ZGRF1: variants seen among roughly 807,000 people sequenced by gnomAD.
The protein encoded by ZGRF1 is 5'-3' DNA helicase ZGRF1.
In ZGRF1, 196 loss-of-function variants were observed where a neutral mutation model predicts 203.5. That is an observed-to-expected ratio of 0.96 (90% confidence interval 0.86 to 1.08). The LOEUF is 1.08. Among genes scored for constraint, ZGRF1 ranks in the 50% least tolerant of loss-of-function variants. The probability of loss-of-function intolerance (pLI) is 0.00; values close to 1 mark genes in which losing one functional copy is unlikely to be tolerated. For synonymous variants in ZGRF1, 809 were observed against 841.3 expected (o/e 0.96, Z 0.66); for missense variants, 2,326 against 2,416.3 (o/e 0.96, Z 0.78).
chr4:112,563,115 G>A lies in ZGRF1; in HGVS notation c.4582+16C>T. On this transcript the variant is annotated intron_variant, in intron 17 of 27. Transcript: ENST00000505019. ...TCTTTTTAAATATAAACTAAAATGA[G>A]CATAGTAATACTCACTGTTAGTGGG... is the stretch of plus-strand genomic sequence containing the variant. 6.6e-7 allele frequency: 1 copy of A among 1,523,540 alleles called. No individual in the cohort carries two copies. The highest frequency in any genetic ancestry group is 8.8e-7 in the Non-Finnish European group (1 of 1,132,132). 94.4% of individuals were successfully genotyped at this position (1,523,540 alleles called of 1,614,324 possible).
At chr4:112,565,336 C>T (rs530736924) in intron 16 of ZGRF1, 6 of 1,339,712 alleles carry the variant, frequency 4.5e-6, no homozygotes, top group African/African-American at 2.9e-5. Context: ...CCATGCCAAA[C>T]GTGTAACAAT....
chr4:112,630,752 G>A lies in ZGRF1; in HGVS notation c.102+1178C>T, dbSNP rs567269294. On this transcript the variant is annotated intron_variant, in intron 3 of 27. Coordinates refer to ENST00000505019, the MANE Select transcript of ZGRF1 (RefSeq NM_018392.5). The stretch of plus-strand genomic sequence containing the variant: ...TAAAAATACAAAAAATTAGCCGGGC[G>A]TGGTGGTGGCACCTGTAGTCCCAGC... Among the ~76,000 whole-genome samples the A allele has an allele frequency of 1.0e-3, 154 of 152,032 alleles. 2 individuals are homozygous for A. The highest frequency in any genetic ancestry group is 3.1e-3 in the South Asian group (15 of 4,810).
At chr4:112,591,457 A>C (rs1038403962) in intron 10 of ZGRF1, among the ~76,000 whole-genome samples, 5 of 152,050 alleles carry the variant, frequency 3.3e-5, no homozygotes, top group Non-Finnish European at 5.9e-5. Context: ...AAGTTCGATT[A>C]TTTCATTCCT....
At chr4:112,636,240 T>TATAC (rs1010082101) in intron 1 of ZGRF1, among the ~76,000 whole-genome samples, 2 of 152,152 alleles carry the variant, frequency 1.3e-5, no homozygotes, top group African/African-American at 2.4e-5. Context: ...GTGATAATTA[T>TATAC]ATACATACAT....
rs1461662586 is a variant in ZGRF1 at position 112,579,620 on chromosome 4, C to T, written c.4438+2043G>A. On this transcript the variant is annotated intron_variant, in intron 16 of 27. Coordinates refer to ENST00000505019, the MANE Select transcript of ZGRF1 (RefSeq NM_018392.5). Reference sequence around the variant, plus strand: ...TGCAAAAATCATAAGCATTCTTATACACCAATAACAGACAAACAGAGAGCC... The same window carrying T: ...TGCAAAAATCATAAGCATTCTTATATACCAATAACAGACAAACAGAGAGCC... 3.3e-5 allele frequency among the ~76,000 whole-genome samples: 4 copies of T among 121,326 alleles called. 1 individual carries two copies. The highest frequency in any genetic ancestry group is 7.3e-5 in the Non-Finnish European group (4 of 54,544). The allele number at this position is 121,326 out of a possible 152,430, so 79.6% of individuals were successfully genotyped here.
intron 8 of ZGRF1, chr4:112,607,926 G>A (rs952651943): frequency 6.6e-6 from 1 of 151,462 alleles, no homozygotes; most frequent in Non-Finnish European, 1.5e-5. Flanking sequence ...GGGTGACAGA[G>A]TAAGAACCCG....
intron 23 of ZGRF1, 74 bp from the exon 24 acceptor site, chr4:112,547,482 C>A (rs2148832082): frequency 7.4e-7 from 1 of 1,359,118 alleles, no homozygotes; most frequent in East Asian, 2.4e-5. Flanking sequence ...CACTGTTTGC[C>A]AAAATTGCAC....
chr4:112,588,091 A>C (rs1327388155), intron 11 of ZGRF1, among the ~76,000 whole-genome samples, 162 bp from the exon 12 acceptor site: 1 of 152,120 alleles, frequency 6.6e-6, no homozygotes, highest in African/African-American at 2.4e-5. Flanking sequence ...TTTTAACCTC[A>C]AAAAATAAAG....
At chr4:112,576,465 C>T (rs963243983) in intron 16 of ZGRF1, among the ~76,000 whole-genome samples, 2 of 151,874 alleles carry the variant, frequency 1.3e-5, no homozygotes, top group African/African-American at 2.4e-5. Context: ...AGGCTCCAGA[C>T]GATCAAACTA....
chr4:112,605,987 G>A (rs750860069), intron 9 of ZGRF1, 21 bp downstream of exon 9: 41 of 1,425,956 alleles, frequency 2.9e-5, no homozygotes, highest in Middle Eastern at 1.8e-4. Flanking sequence ...TAAATAAATC[G>A]ATGTTCTTCA....
At chr4:112,564,672 ATTAC>A (rs1742667861) in intron 16 of ZGRF1, among the ~76,000 whole-genome samples, 1 of 152,078 alleles carries the variant, frequency 6.6e-6, no homozygotes, top group Admixed American at 6.6e-5. Flanking sequence ...ATATTTATGT[ATTAC>A]TTGTTTAATT....
intron 4 of ZGRF1, among the ~76,000 whole-genome samples, chr4:112,622,538 A>G (rs2047096587): frequency 6.6e-6 from 1 of 151,654 alleles, no homozygotes; most frequent in African/African-American, 2.4e-5. Flanking sequence ...AAAAAAAAAA[A>G]AAGACTCACT....
chr4:112,576,865 T>C (rs1034896943), intron 16 of ZGRF1, among the ~76,000 whole-genome samples: 2 of 151,916 alleles, frequency 1.3e-5, no homozygotes, highest in South Asian at 2.1e-4. Flanking sequence ...CAGGATATTA[T>C]CCAGGAAAAC....
At chr4:112,610,363 G>A (rs569575855) in intron 7 of ZGRF1, among the ~76,000 whole-genome samples, 5 of 152,040 alleles carry the variant, frequency 3.3e-5, no homozygotes, top group Admixed American at 3.3e-4. Context: ...CTGAGGACAG[G>A]AGTTCGAGAC....
Position 112,558,171 on chromosome 4 carries a change from G to T in ZGRF1, c.5099C>A (p.Ala1700Asp). The part of the protein sequence containing the change: ...KLLISSSTNV[A>D]VDRVLLGLLS... ...CTACCCAAGAAGTACTCTGTCAACA[G>T]CCACATTAGTAGAAGAAGAAATCAG... The change falls in exon 20 of 28, where the codon GCT (alanine) becomes GAT (aspartate). Residue 1700 changes from alanine to aspartate, a missense_variant. Physicochemically the swap from Ala to Asp is moderately radical, Grantham distance 126. Coordinates refer to ENST00000505019, the MANE Select transcript of ZGRF1 (RefSeq NM_018392.5). The T allele has an allele frequency of 6.2e-7, 1 of 1,606,814 alleles. No homozygotes were observed. The highest frequency in any genetic ancestry group is 8.5e-7 in the Non-Finnish European group (1 of 1,177,802).
chr4:112,615,628 TTTTAC>T (rs1319689959), intron 6 of ZGRF1, among the ~76,000 whole-genome samples: 2 of 150,876 alleles, frequency 1.3e-5, no homozygotes, highest in Non-Finnish European at 3.0e-5. Flanking sequence ...CATTAAAGCT[TTTTAC>T]TTTTTTTTTT....
chr4:112,573,047 C>T (rs1179572233), intron 16 of ZGRF1, among the ~76,000 whole-genome samples: 1 of 151,880 alleles, frequency 6.6e-6, no homozygotes, highest in Non-Finnish European at 1.5e-5. Context: ...TACTGGGTAT[C>T]TATTCAGAGG....
intron 1 of ZGRF1, 71 bp downstream of exon 1, chr4:112,636,778 CAG>C (rs2047664853): frequency 6.6e-6 from 1 of 152,278 alleles, no homozygotes; most frequent in South Asian, 2.1e-4. Context: ...TCTTAAGGAG[CAG>C]AGTCTTTCGT....
At chr4:112,615,098 A>G (rs2046822436) in intron 6 of ZGRF1, among the ~76,000 whole-genome samples, 1 of 152,170 alleles carries the variant, frequency 6.6e-6, no homozygotes, top group South Asian at 2.1e-4. Context: ...CTAACCCTGT[A>G]TTTCCCATAG....
Sources: gnomAD v4.1 joint callset for allele counts (sites outside exome capture counted in the v4.1 genomes callset) on GRCh38, gnomAD v4.1.1 for gene constraint, MANE v1.5 for transcripts, NCBI Gene and HGNC (gene_info 2026-07-23, HGNC 2026-07-21) for gene names.